GFOD1: variants seen among roughly 807,000 people sequenced by gnomAD.
GFOD1 encodes glucose-fructose oxidoreductase domain-containing protein 1.
A neutral mutation model predicts 25.4 loss-of-function variants in GFOD1; 9 were observed. The observed-to-expected ratio is 0.35, with a 90% CI of 0.21 to 0.62. The LOEUF (loss-of-function observed/expected upper bound fraction) is 0.62, where lower values mean the gene tolerates loss of function less well. Among genes scored for constraint, GFOD1 ranks in the 20% least tolerant of loss-of-function variants. The pLI, the probability that GFOD1 is intolerant of heterozygous loss-of-function variation, is 0.72. For missense variants in GFOD1, 403 were observed against 556.9 expected (o/e 0.72, Z 2.78); for synonymous variants, 253 against 245.6 (o/e 1.03, Z -0.28).
intron 1 of GFOD1, among the ~76,000 whole-genome samples, chr6:13,395,700 A>G (rs1785715069): frequency 6.6e-6 from 1 of 152,182 alleles, no homozygotes; most frequent in Admixed American, 6.5e-5. Context: ...GCCCTTTTCC[A>G]CTTGAGATAA....
Position 13,358,296 on chromosome 6 carries a change from TTATATA to T in GFOD1, c.*6441_*6446del, listed in dbSNP as rs900425672. ...TATCTAGTATACATGCCTTGACTTC[TTATATA>T]TATAAGTTTGGTTTTATACATATAC... On this transcript the variant is annotated 3_prime_UTR_variant, in exon 2 of 2. Transcript: ENST00000379287. 6.6e-6 allele frequency: 1 copy of T among 151,756 alleles called. No individual in the cohort carries two copies. The highest frequency in any genetic ancestry group is 1.5e-5 in the Non-Finnish European group (1 of 67,796). The allele number at this position is 151,756 out of a possible 1,614,324, so 9.4% of individuals were successfully genotyped here. A position where few individuals can be genotyped will look rare whatever the true frequency, so the allele number is the denominator to read the frequency against.
At chr6:13,390,425 T>TA (rs980073022) in intron 1 of GFOD1, among the ~76,000 whole-genome samples, 24 of 151,258 alleles carry the variant, frequency 1.6e-4, no homozygotes, top group Admixed American at 6.6e-4. Flanking sequence ...ACCCTGTCTC[T>TA]AAAAAAAATA....
At chr6:13,442,601 C>T (rs1488737387) in intron 1 of GFOD1, among the ~76,000 whole-genome samples, 2 of 152,188 alleles carry the variant, frequency 1.3e-5, no homozygotes, top group African/African-American at 4.8e-5. Flanking sequence ...CAGCTGGTGA[C>T]TTTAAGTTGA....
chr6:13,424,878 C>G (rs1786324945), intron 1 of GFOD1, among the ~76,000 whole-genome samples: 1 of 151,550 alleles, frequency 6.6e-6, no homozygotes, highest in African/African-American at 2.4e-5. Flanking sequence ...ATAACTGTAG[C>G]AGCTCCAAAA....
intron 1 of GFOD1, among the ~76,000 whole-genome samples, chr6:13,465,745 C>T (rs1758369456): frequency 6.6e-6 from 1 of 152,114 alleles, no homozygotes. Flanking sequence ...CTGAGGGACC[C>T]CTGTTAAGGT....
At chr6:13,428,039 A>T (rs562798486) in intron 1 of GFOD1, among the ~76,000 whole-genome samples, 3 of 152,350 alleles carry the variant, frequency 2.0e-5, no homozygotes, top group Admixed American at 2.0e-4. Flanking sequence ...AAGGCCTGAC[A>T]GTGCCCCGAG....
chr6:13,395,451 A>G (rs567244244), intron 1 of GFOD1, among the ~76,000 whole-genome samples: 3 of 152,266 alleles, frequency 2.0e-5, no homozygotes, highest in Non-Finnish European at 4.4e-5. Context: ...CCTTTCTTGC[A>G]ATACAATAGA....
chr6:13,421,178 A>G (rs1786250357), intron 1 of GFOD1, among the ~76,000 whole-genome samples: 1 of 152,202 alleles, frequency 6.6e-6, no homozygotes, highest in Non-Finnish European at 1.5e-5. Flanking sequence ...TATCACATGC[A>G]TATAAAAATG....
chr6:13,469,921 T>C (rs998367287), intron 1 of GFOD1: 9 of 1,302,384 alleles, frequency 6.9e-6, no homozygotes, highest in African/African-American at 1.5e-5. Flanking sequence ...AGAATGCTAG[T>C]TTCTCTTCTC....
At chr6:13,425,253 C>T (rs988421706) in intron 1 of GFOD1, among the ~76,000 whole-genome samples, 1 of 152,182 alleles carries the variant, frequency 6.6e-6, no homozygotes, top group East Asian at 1.9e-4. Flanking sequence ...AGCCACTGAG[C>T]CTGGCCTAAC....
intron 1 of GFOD1, among the ~76,000 whole-genome samples, chr6:13,483,907 T>G (rs1758810110): frequency 6.6e-6 from 1 of 152,180 alleles, no homozygotes; most frequent in East Asian, 1.9e-4. Flanking sequence ...ATTATTTTAG[T>G]CATGAAATGA....
intron 1 of GFOD1, among the ~76,000 whole-genome samples, chr6:13,448,827 T>C (rs1294813028): frequency 6.6e-6 from 1 of 152,180 alleles, no homozygotes; most frequent in Non-Finnish European, 1.5e-5. Context: ...CCTCCTGAGA[T>C]GCTCTGTTCT....
At chr6:13,385,534 C>T (rs1785451014) in intron 1 of GFOD1, among the ~76,000 whole-genome samples, 1 of 152,094 alleles carries the variant, frequency 6.6e-6, no homozygotes, top group Admixed American at 6.6e-5. Context: ...ATATTTTTGC[C>T]AGACAAGAGA....
chr6:13,428,356 C>G (rs1393944186), intron 1 of GFOD1, among the ~76,000 whole-genome samples: 1 of 152,116 alleles, frequency 6.6e-6, no homozygotes, highest in African/African-American at 2.4e-5. Context: ...ATCACTGGGC[C>G]GTGTGAAAAC....
intron 1 of GFOD1, among the ~76,000 whole-genome samples, chr6:13,425,321 A>T (rs1219763847): frequency 6.6e-6 from 1 of 152,116 alleles, no homozygotes; most frequent in Non-Finnish European, 1.5e-5. Context: ...ACCATTTTAA[A>T]GATGAGAAAA....
intron 1 of GFOD1, among the ~76,000 whole-genome samples, chr6:13,475,766 A>G (rs1758610861): frequency 8.4e-6 from 1 of 119,554 alleles, no homozygotes; most frequent in Non-Finnish European, 1.9e-5. Flanking sequence ...AATAATAATA[A>G]TACAAAAATT....
At chr6:13,370,590 GT>G (rs1170689034) in intron 1 of GFOD1, among the ~76,000 whole-genome samples, 1 of 151,996 alleles carries the variant, frequency 6.6e-6, no homozygotes, top group African/African-American at 2.4e-5. Flanking sequence ...AGATCCTCAG[GT>G]TTTTTCTTTT....
Position 13,365,101 on chromosome 6 carries a change from G to T in GFOD1, c.815C>A (p.Ala272Asp). The T allele has an allele frequency of 1.2e-6, 2 of 1,612,442 alleles. No homozygotes were observed. Among genetic ancestry groups the T allele is most frequent in the South Asian group, 2.2e-5 (2 of 91,044 alleles). Residue 272 changes from alanine to aspartate, a missense_variant, in exon 2 of 2, where the codon GCC becomes GAC. By Grantham distance (126) the Ala-to-Asp change is moderately radical. Transcript: ENST00000379287. The surrounding 1 kb of genome is among the most constrained non-coding windows in gnomAD (Gnocchi z 9.2). ...GTDLYGQRNS[A>D]PEQELLVQDA... is the part of the protein sequence containing the mutation. ...CTGCACCAGCAGCTCCTGCTCCGGG[G>T]CGCTGTTGCGCTGCCCGTACAGGTC...
At chr6:13,408,279 G>T in intron 1 of GFOD1, 1 of 171,228 alleles carries the variant, frequency 5.8e-6, no homozygotes, top group Non-Finnish European at 1.2e-5. Context: ...GCCTCGCTTT[G>T]CCTAACTCAA....
Sources: allele counts gnomAD v4.1 joint callset (sites outside exome capture counted in the v4.1 genomes callset), GRCh38; gene constraint gnomAD v4.1.1; non-coding constraint Gnocchi (gnomAD v3.1); transcripts MANE v1.5; gene names NCBI Gene and HGNC (gene_info 2026-07-23, HGNC 2026-07-21).